CRPPA: variants seen among roughly 807,000 people sequenced by gnomAD.
The protein encoded by CRPPA is D-ribitol-5-phosphate cytidylyltransferase.
CRPPA carries 43 observed loss-of-function variants against 52.0 expected under a neutral mutation model. The ratio of observed to expected loss-of-function variants is 0.83; its 90% confidence interval spans 0.65 to 1.07. The LOEUF is 1.07. Among genes scored for constraint, CRPPA ranks in the 50% least tolerant of loss-of-function variants. The pLI is 0.00. For missense variants in CRPPA, 629 were observed against 551.7 expected (o/e 1.14, Z -1.40); for synonymous variants, 250 against 203.5 (o/e 1.23, Z -1.94).
At chr7:16,101,666 T>C (rs1782048184) in intron 9 of CRPPA, among the ~76,000 whole-genome samples, 1 of 152,022 alleles carries the variant, frequency 6.6e-6, no homozygotes, top group Non-Finnish European at 1.5e-5. Flanking sequence ...AGCATTCCTA[T>C]ACACCAATAA....
intron 9 of CRPPA, among the ~76,000 whole-genome samples, chr7:16,205,932 A>G (rs1298762147): frequency 1.3e-5 from 2 of 152,172 alleles, no homozygotes; most frequent in African/African-American, 4.8e-5. Context: ...TGTAAATCTT[A>G]GTAATATTTA....
intron 3 of CRPPA, among the ~76,000 whole-genome samples, chr7:16,336,756 T>G (rs1050040499): frequency 5.3e-5 from 8 of 152,034 alleles, no homozygotes; most frequent in Admixed American, 1.3e-4. Flanking sequence ...TTCACTTTAC[T>G]GTTAAGAACA....
chr7:16,208,191 A>C (rs1782019595), intron 9 of CRPPA, among the ~76,000 whole-genome samples: 1 of 152,206 alleles, frequency 6.6e-6, no homozygotes, highest in Non-Finnish European at 1.5e-5. Context: ...AAAACTCATA[A>C]AGTGTCAAAA....
chr7:16,382,094 C>G (rs2128313280), intron 2 of CRPPA, among the ~76,000 whole-genome samples: 1 of 152,170 alleles, frequency 6.6e-6, no homozygotes, highest in South Asian at 2.1e-4. Context: ...CCTTGATGGT[C>G]TTTATAATTT....
chr7:16,415,318 A>G (rs1370493344), intron 1 of CRPPA, among the ~76,000 whole-genome samples: 2 of 152,182 alleles, frequency 1.3e-5, no homozygotes, highest in African/African-American at 4.8e-5. Context: ...GCATGTCTGA[A>G]AAGCAGAAAA....
At chr7:16,229,034 C>T (rs1410850014) in intron 8 of CRPPA, among the ~76,000 whole-genome samples, 1 of 151,976 alleles carries the variant, frequency 6.6e-6, no homozygotes, top group Admixed American at 6.6e-5. Flanking sequence ...ATCCCTTTGA[C>T]ATTATATAAT....
chr7:16,186,455 T>G (rs1781506592), intron 9 of CRPPA, among the ~76,000 whole-genome samples: 3 of 152,172 alleles, frequency 2.0e-5, no homozygotes, highest in African/African-American at 7.2e-5. Context: ...GCACCCTATC[T>G]TAGACATCCA....
chr7:16,396,626 A>G (rs1342644108), intron 2 of CRPPA, among the ~76,000 whole-genome samples: 3 of 152,270 alleles, frequency 2.0e-5, no homozygotes, highest in Non-Finnish European at 2.9e-5. Flanking sequence ...TTACACATGC[A>G]TATATGTAGC....
At chr7:16,092,189 G>C (rs1781851054) in intron 9 of CRPPA, among the ~76,000 whole-genome samples, 1 of 152,104 alleles carries the variant, frequency 6.6e-6, no homozygotes, top group Non-Finnish European at 1.5e-5. Flanking sequence ...TGAACTGTTT[G>C]TGAGTACCGG....
At chr7:16,146,435 G>C (rs1307824129) in intron 9 of CRPPA, among the ~76,000 whole-genome samples, 1 of 151,946 alleles carries the variant, frequency 6.6e-6, no homozygotes, top group Non-Finnish European at 1.5e-5. Context: ...ACAAATGAAA[G>C]TATAAAACTC....
chr7:16,153,343 C>T (rs1485040114), intron 9 of CRPPA, among the ~76,000 whole-genome samples: 4 of 151,878 alleles, frequency 2.6e-5, no homozygotes, highest in Admixed American at 6.6e-5. Flanking sequence ...CTATTCAGCT[C>T]ATGAGCTAAT....
chr7:16,406,006 T>C, intron 2 of CRPPA, 55 bp downstream of exon 2: 3 of 1,493,740 alleles, frequency 2.0e-6, no homozygotes, highest in Non-Finnish European at 2.7e-6. Flanking sequence ...ATTCAGCAAA[T>C]GAACCACACT....
At chr7:16,236,943 TGC>T (rs534019559) in intron 8 of CRPPA, among the ~76,000 whole-genome samples, 44 of 145,304 alleles carry the variant, frequency 3.0e-4, no homozygotes, top group South Asian at 1.1e-3. Context: ...AGAGCTTTCG[TGC>T]GCGCGCACAC....
intron 9 of CRPPA, among the ~76,000 whole-genome samples, chr7:16,171,133 A>G (rs1054920463): frequency 6.6e-6 from 1 of 152,236 alleles, no homozygotes; most frequent in Non-Finnish European, 1.5e-5. Context: ...TCTCACCAGT[A>G]TCTTGTGAAA....
chr7:16,214,553 A>C (rs1442664389), intron 9 of CRPPA, among the ~76,000 whole-genome samples: 1 of 152,004 alleles, frequency 6.6e-6, no homozygotes, highest in Non-Finnish European at 1.5e-5. Flanking sequence ...ACTGGTGTGC[A>C]GGGGCGGCAA....
At position 16,259,020 on chromosome 7, in the gene CRPPA, G is replaced by GA; in HGVS notation, c.934-9dup. On this transcript the variant is annotated splice_polypyrimidine_tract_variant and intron_variant, in intron 6 of 9. Transcript: ENST00000407010. ...AGATGTGACTTTTACATGCTAGTAG[G>GA]AAAAAACAGAAATGAATTCACAAAT... 6.3e-7 allele frequency: 1 copy of GA among 1,581,772 alleles called. No homozygotes were observed. The highest frequency in any genetic ancestry group is 8.6e-7 in the Non-Finnish European group (1 of 1,157,580).
rs146233332 is a variant in CRPPA at position 16,089,815 on chromosome 7, G to C, written c.*1880C>G. The C allele has an allele frequency of 5.8e-6, 1 of 171,346 alleles. No individual in the cohort carries two copies. Among genetic ancestry groups the C allele is most frequent in the African/African-American group, 2.4e-5 (1 of 41,920 alleles). The allele number at this position is 171,346 out of a possible 1,614,324, so 10.6% of individuals were successfully genotyped here. On this transcript the variant is annotated 3_prime_UTR_variant, in exon 10 of 10. Coordinates refer to ENST00000407010, the MANE Select transcript of CRPPA (RefSeq NM_001101426.4). ...TGTCTGCTGTAGGATTCCTTAAGCTGAAGTCTATGTTAACTCAGCCAGCAC... is the reference window on the plus strand; with the variant it reads ...TGTCTGCTGTAGGATTCCTTAAGCTCAAGTCTATGTTAACTCAGCCAGCAC...
At chr7:16,244,211 G>T (rs182259525) in intron 8 of CRPPA, among the ~76,000 whole-genome samples, 50 of 151,880 alleles carry the variant, frequency 3.3e-4, no homozygotes, top group African/African-American at 1.1e-3. Context: ...CCTCTTACTA[G>T]TGCCAATTTA....
intron 3 of CRPPA, among the ~76,000 whole-genome samples, chr7:16,348,464 T>A (rs1786069044): frequency 6.6e-6 from 1 of 152,168 alleles, no homozygotes; most frequent in Non-Finnish European, 1.5e-5. Context: ...ATTCTGTGCC[T>A]AATTTTTCAC....
Sources: allele counts gnomAD v4.1 joint callset (sites outside exome capture counted in the v4.1 genomes callset), GRCh38; gene constraint gnomAD v4.1.1; transcripts MANE v1.5; gene names NCBI Gene and HGNC (gene_info 2026-07-23, HGNC 2026-07-21).